Variants in FRMD5 observed in about 807,000 individuals in gnomAD.
FRMD5 encodes the protein FERM domain-containing protein 5.
FRMD5 carries 20 observed loss-of-function variants against 69.0 expected under a neutral mutation model. That is an observed-to-expected ratio of 0.29 (90% CI 0.20 to 0.42). The LOEUF is 0.42. Ranked by LOEUF, FRMD5 falls within the 10% of genes least tolerant of loss-of-function variation. FRMD5 has a pLI of 1.00. For missense variants in FRMD5, 595 were observed against 708.6 expected (o/e 0.84, Z 1.82); for synonymous variants, 271 against 260.1 (o/e 1.04, Z -0.40).
intron 1 of FRMD5, among the ~76,000 whole-genome samples, chr15:43,982,962 AC>A (rs5812258): frequency 0.82 from 125,163 of 152,070 alleles, 54,381 homozygotes; most frequent in Non-Finnish European, 0.95. Context: ...ATGGAATCTC[AC>A]TCTGTCACCC....
chr15:43,882,977 T>C (rs1168210689), intron 13 of FRMD5, among the ~76,000 whole-genome samples: 2 of 152,012 alleles, frequency 1.3e-5, no homozygotes, highest in Non-Finnish European at 2.9e-5. Context: ...TGCTAATTTT[T>C]TGTATTTTTG....
intron 1 of FRMD5, among the ~76,000 whole-genome samples, chr15:43,982,548 T>C (rs1595585623): frequency 6.6e-6 from 1 of 152,362 alleles, no homozygotes; most frequent in Middle Eastern, 3.4e-3. Context: ...CTTTCCTGCC[T>C]TAAATCTTGG....
intron 1 of FRMD5, among the ~76,000 whole-genome samples, chr15:44,121,476 A>G (rs552340188): frequency 1.3e-5 from 2 of 152,250 alleles, no homozygotes; most frequent in Admixed American, 1.3e-4. Context: ...TTCAGTCTTC[A>G]ATCCAATGAT....
intron 1 of FRMD5, among the ~76,000 whole-genome samples, chr15:44,018,686 G>A (rs545159139): frequency 1.4e-4 from 21 of 152,204 alleles, no homozygotes; most frequent in African/African-American, 5.1e-4. Flanking sequence ...TGGCTTCCAT[G>A]GCCCTAATCC....
chr15:44,071,245 T>A (rs150471831), intron 1 of FRMD5, among the ~76,000 whole-genome samples: 13 of 152,286 alleles, frequency 8.5e-5, no homozygotes, highest in African/African-American at 2.9e-4. Flanking sequence ...CCTAGCTGGT[T>A]AGCATCTTTC....
At chr15:44,010,817 A>T (rs1376962621) in intron 1 of FRMD5, among the ~76,000 whole-genome samples, 2 of 152,132 alleles carry the variant, frequency 1.3e-5, no homozygotes, top group Non-Finnish European at 2.9e-5. Flanking sequence ...TATAGCTTTT[A>T]TGCTGGGCAA....
chr15:43,961,259 C>G (rs538807118), intron 1 of FRMD5, among the ~76,000 whole-genome samples: 1 of 152,244 alleles, frequency 6.6e-6, no homozygotes, highest in Admixed American at 6.5e-5. Context: ...ACTACCATCA[C>G]AGAATACTAT....
At chr15:43,974,466 T>C (rs2090434271) in intron 1 of FRMD5, among the ~76,000 whole-genome samples, 1 of 152,232 alleles carries the variant, frequency 6.6e-6, no homozygotes, top group South Asian at 2.1e-4. Flanking sequence ...GGCTGCTTGC[T>C]TTTTATGCCT....
intron 1 of FRMD5, among the ~76,000 whole-genome samples, chr15:43,937,866 G>A (rs2089788571): frequency 6.6e-6 from 1 of 152,136 alleles, no homozygotes; most frequent in Admixed American, 6.5e-5. Context: ...GTAACTGAAT[G>A]TTGACCACTG....
chr15:43,892,174 T>A, intron 7 of FRMD5, 105 bp from the exon 8 acceptor site: 1 of 945,478 alleles, frequency 1.1e-6, no homozygotes, highest in Non-Finnish European at 1.7e-6. Context: ...TGGCAGTAGG[T>A]CACAGAGGGA....
intron 1 of FRMD5, among the ~76,000 whole-genome samples, chr15:44,169,845 T>C (rs1384512001): frequency 6.6e-6 from 1 of 152,190 alleles, no homozygotes; most frequent in Non-Finnish European, 1.5e-5. Flanking sequence ...GGTATAATAC[T>C]ACTGAAACTC....
At chr15:44,099,705 C>T (rs934018259) in intron 1 of FRMD5, among the ~76,000 whole-genome samples, 4 of 152,136 alleles carry the variant, frequency 2.6e-5, no homozygotes, top group African/African-American at 9.7e-5. Context: ...CAAAAAGATA[C>T]ATCTTTTATC....
chr15:44,088,003 C>A (rs1269918362), intron 1 of FRMD5, among the ~76,000 whole-genome samples: 1 of 152,116 alleles, frequency 6.6e-6, no homozygotes, highest in African/African-American at 2.4e-5. Flanking sequence ...AGGAGTCATT[C>A]ATTATTCAGC....
intron 1 of FRMD5, among the ~76,000 whole-genome samples, chr15:44,069,062 A>G (rs1440644557): frequency 6.6e-6 from 1 of 152,228 alleles, no homozygotes; most frequent in Non-Finnish European, 1.5e-5. Context: ...ACTGATGGCA[A>G]ATAAGTACAT....
intron 1 of FRMD5, among the ~76,000 whole-genome samples, chr15:44,128,934 A>C (rs1482678036): frequency 6.6e-6 from 1 of 152,180 alleles, no homozygotes; most frequent in East Asian, 1.9e-4. Flanking sequence ...TTACTTTTGG[A>C]GAAGGTAGGC....
intron 1 of FRMD5, among the ~76,000 whole-genome samples, chr15:44,017,634 A>T (rs1891028110): frequency 7.0e-6 from 1 of 142,314 alleles, no homozygotes; most frequent in African/African-American, 2.6e-5. Context: ...TTTTTTTGAG[A>T]CTGGCTCTGT....
At chr15:44,111,373 C>T (rs1016506636) in intron 1 of FRMD5, among the ~76,000 whole-genome samples, 4 of 152,184 alleles carry the variant, frequency 2.6e-5, no homozygotes, top group Non-Finnish European at 5.9e-5. Context: ...CCTGCCAGCA[C>T]GCATTTTCAG....
chr15:43,945,651 C>A (rs1171456127), intron 1 of FRMD5, among the ~76,000 whole-genome samples: 1 of 152,100 alleles, frequency 6.6e-6, no homozygotes, highest in Admixed American at 6.5e-5. Context: ...TGCATGCATC[C>A]CACTGTAAAT....
chr15:43,897,414 G>T (rs2088937316), intron 7 of FRMD5, among the ~76,000 whole-genome samples: 1 of 148,932 alleles, frequency 6.7e-6, no homozygotes, highest in South Asian at 2.1e-4. Flanking sequence ...TTGAACCCGG[G>T]AGGCAGAGGT....
Sources: gnomAD v4.1 joint callset for allele counts (sites outside exome capture counted in the v4.1 genomes callset) on GRCh38, gnomAD v4.1.1 for gene constraint, MANE v1.5 for transcripts, NCBI Gene and HGNC (gene_info 2026-07-23, HGNC 2026-07-21) for gene names.